HDAC9: variants seen among roughly 807,000 people sequenced by gnomAD.
HDAC9 encodes MEF-2 interacting transcription repressor (MITR) protein.
A neutral mutation model predicts 139.4 loss-of-function variants in HDAC9; 41 were observed. The ratio of observed to expected loss-of-function variants is 0.29; its 90% CI spans 0.23 to 0.38. The LOEUF (loss-of-function observed/expected upper bound fraction) is 0.38. Among genes scored for constraint, HDAC9 ranks in the 10% least tolerant of loss-of-function variants. The pLI, the probability that HDAC9 is intolerant of heterozygous loss-of-function variation, is 1.00. For synonymous variants in HDAC9, 517 were observed against 476.2 expected (o/e 1.09, Z -1.12); for missense variants, 1,147 against 1,297.0 (o/e 0.88, Z 1.78).
intron 12 of HDAC9, among the ~76,000 whole-genome samples, chr7:18,695,254 A>G (rs1782958038): frequency 6.6e-6 from 1 of 152,170 alleles, no homozygotes; most frequent in East Asian, 1.9e-4. Flanking sequence ...TTAGAAAAGA[A>G]TATTATGTTA....
chr7:18,568,045 T>C (rs1447993840), intron 2 of HDAC9, among the ~76,000 whole-genome samples: 4 of 146,658 alleles, frequency 2.7e-5, no homozygotes, highest in African/African-American at 1.0e-4. Flanking sequence ...TATATATATA[T>C]ATATATATGT....
intron 17 of HDAC9, among the ~76,000 whole-genome samples, chr7:18,815,589 C>A (rs1289115166): frequency 2.0e-5 from 3 of 152,138 alleles, no homozygotes; most frequent in Non-Finnish European, 2.9e-5. Context: ...GTCTGTAGCC[C>A]CAGTTTTGAC....
intron 16 of HDAC9, among the ~76,000 whole-genome samples, chr7:18,776,742 G>A (rs981252439): frequency 6.6e-6 from 1 of 151,824 alleles, no homozygotes; most frequent in Admixed American, 6.6e-5. Flanking sequence ...TGGGAGCCCT[G>A]GTTTCTTGTG....
chr7:18,176,834 G>T (rs1360118411), intron 2 of HDAC9, among the ~76,000 whole-genome samples: 1 of 152,016 alleles, frequency 6.6e-6, no homozygotes, highest in Non-Finnish European at 1.5e-5. Flanking sequence ...AGAAGAGTTG[G>T]ATGTATCTTA....
At chr7:18,769,256 C>T (rs1394114294) in intron 16 of HDAC9, among the ~76,000 whole-genome samples, 3 of 152,180 alleles carry the variant, frequency 2.0e-5, no homozygotes, top group African/African-American at 7.2e-5. Flanking sequence ...CCCAAATTGA[C>T]TTCTTATTTC....
At chr7:18,539,190 A>G (rs1394049103) in intron 2 of HDAC9, among the ~76,000 whole-genome samples, 1 of 152,242 alleles carries the variant, frequency 6.6e-6, no homozygotes, top group Non-Finnish European at 1.5e-5. Flanking sequence ...GAACATCACC[A>G]GTGATAAGTC....
intron 13 of HDAC9, among the ~76,000 whole-genome samples, chr7:18,734,169 G>C (rs1296701847): frequency 6.6e-6 from 1 of 151,928 alleles, no homozygotes; most frequent in African/African-American, 2.4e-5. Context: ...TCACATTTGG[G>C]TATTTCTCAC....
chr7:18,127,700 G>A (rs911603692), intron 1 of HDAC9, among the ~76,000 whole-genome samples: 3 of 152,028 alleles, frequency 2.0e-5, no homozygotes, highest in Admixed American at 6.6e-5. Context: ...TAACTCTAGA[G>A]GCCAAAATTT....
chr7:18,694,333 T>G (rs552281338), intron 12 of HDAC9, among the ~76,000 whole-genome samples: 3 of 152,290 alleles, frequency 2.0e-5, no homozygotes, highest in South Asian at 2.1e-4. Context: ...TTCTCCTTCC[T>G]TTGTCCCTCT....
chr7:18,377,966 A>G (rs1220475798), intron 1 of HDAC9, among the ~76,000 whole-genome samples: 2 of 152,254 alleles, frequency 1.3e-5, no homozygotes, highest in Admixed American at 6.5e-5. Context: ...CTTTCATTCC[A>G]GAAGACTTAA....
At chr7:18,826,648 C>CTTT (rs547478526) in intron 17 of HDAC9, among the ~76,000 whole-genome samples, 2,699 of 121,986 alleles carry the variant, frequency 0.022, 126 homozygotes, top group East Asian at 0.16. Flanking sequence ...GAATTCAAGT[C>CTTT]TTTTTTTTTT....
chr7:18,520,176 G>A (rs181357567), intron 2 of HDAC9, among the ~76,000 whole-genome samples: 1 of 152,122 alleles, frequency 6.6e-6, no homozygotes, highest in East Asian at 1.9e-4. Flanking sequence ...GTTTACTTCA[G>A]GAATAAGATT....
intron 2 of HDAC9, among the ~76,000 whole-genome samples, chr7:18,167,323 C>T (rs960980314): frequency 1.3e-5 from 2 of 151,898 alleles, no homozygotes; most frequent in African/African-American, 4.8e-5. Flanking sequence ...TATTCATTCT[C>T]TAGTTTTTGA....
At position 18,741,364 on chromosome 7, in the gene HDAC9, A is replaced by G. The variant is rs114626481; in HGVS notation, c.1910-7641A>G. Among the ~76,000 whole-genome samples, 1,317 of 152,332 alleles carry G rather than the reference A, an allele frequency of 8.6e-3. 19 individuals carry two copies. The highest frequency in any genetic ancestry group is 0.03 in the African/African-American group (1,264 of 41,578). On this transcript the variant is annotated intron_variant, in intron 13 of 25. Transcript: ENST00000686413. ...TCCTCAAAATACTGTGCCCTTCAGA[A>G]TTATGCTAAGTCTACTCTACCTGTG...
chr7:18,390,886 C>G (rs1786409911), intron 1 of HDAC9, among the ~76,000 whole-genome samples: 1 of 152,134 alleles, frequency 6.6e-6, no homozygotes, highest in African/African-American at 2.4e-5. Flanking sequence ...GTGAGTAGTT[C>G]AAGACCATCC....
intron 1 of HDAC9, among the ~76,000 whole-genome samples, chr7:18,340,080 G>T (rs1781888065): frequency 6.6e-6 from 1 of 151,262 alleles, no homozygotes; most frequent in South Asian, 2.1e-4. Flanking sequence ...TTTTTATTAG[G>T]TGCATAAACA....
intron 21 of HDAC9, among the ~76,000 whole-genome samples, chr7:18,846,490 A>C (rs1365108021): frequency 6.6e-6 from 1 of 152,238 alleles, no homozygotes; most frequent in Admixed American, 6.5e-5. Context: ...AGCCCATTAT[A>C]GACTATATCA....
At chr7:18,543,480 A>G (rs1202901342) in intron 2 of HDAC9, 1 of 152,232 alleles carries the variant, frequency 6.6e-6, no homozygotes, top group Non-Finnish European at 1.5e-5. Flanking sequence ...CCAAGCTAAA[A>G]CATTGCCTGC....
At chr7:18,740,784 T>A (rs1787377630) in intron 13 of HDAC9, among the ~76,000 whole-genome samples, 1 of 152,072 alleles carries the variant, frequency 6.6e-6, no homozygotes. Flanking sequence ...ACCCAAGGTG[T>A]GAATAGAAAA....
Sources: allele counts gnomAD v4.1 joint callset (sites outside exome capture counted in the v4.1 genomes callset), GRCh38; gene constraint gnomAD v4.1.1; transcripts MANE v1.5; gene names NCBI Gene and HGNC (gene_info 2026-07-23, HGNC 2026-07-21).